The following ARHGAP40 variants were observed in gnomAD, a reference collection of about 807,000 sequenced individuals.
ARHGAP40 encodes rho GTPase-activating protein 40.
In ARHGAP40, 43 loss-of-function variants were observed where a neutral mutation model predicts 73.5. The observed-to-expected ratio is 0.58, with a 90% CI of 0.46 to 0.75. ARHGAP40 has a LOEUF of 0.75. ARHGAP40 is among the 30% of genes least tolerant of loss of function. ARHGAP40 has a pLI of 0.00. For synonymous variants in ARHGAP40, 300 were observed against 352.8 expected, an observed-to-expected ratio of 0.85 and a Z score of 1.68; for missense variants, 734 against 861.8, an observed-to-expected ratio of 0.85 and a Z score of 1.86.
rs145352806 is a variant in ARHGAP40 at position 38,646,653 on chromosome 20, A to G, written c.1711-304A>G. Among the ~76,000 whole-genome samples, 17 of 152,258 alleles carry G rather than the reference A, an allele frequency of 1.1e-4. No homozygotes were observed. The East Asian group carries it at 3.3e-3, about 29-fold the overall frequency. ...CTGCACCGTGCACGATGTGTGGGTG[A>G]TGGGTCTTTATACAAACCTACATGT... On this transcript the variant is annotated intron_variant, in intron 12 of 14. Coordinates refer to ENST00000373345, the Ensembl canonical transcript of ARHGAP40. The surrounding 1 kb of genome is among the most constrained non-coding windows in gnomAD (Gnocchi z 4.5).
At chr20:38,638,786 G>A (rs2088993963) in exon 8 of ARHGAP40, 1 of 1,305,434 alleles carries the variant, frequency 7.7e-7, no homozygotes, top group Non-Finnish European at 1.0e-6. Context: ...GAAAAGAGAG[G>A]ACTGGACATG....
intron 4 of ARHGAP40, 55 bp downstream of exon 4, chr20:38,629,057 C>A: frequency 8.1e-7 from 1 of 1,238,238 alleles, no homozygotes; most frequent in Non-Finnish European, 1.1e-6. Flanking sequence ...GCATAAAGGG[C>A]TGCTCTGTGA....
chr20:38,611,796 G>A (rs576753717), intron 1 of ARHGAP40, among the ~76,000 whole-genome samples: 5 of 151,908 alleles, frequency 3.3e-5, no homozygotes, highest in Admixed American at 6.6e-5. Flanking sequence ...GGATGATCTC[G>A]ATCTCCTGAC....
rs1279415267 is a variant in ARHGAP40 at position 38,646,479 on chromosome 20, G to C, written c.1710+292G>C. On this transcript the variant is annotated intron_variant, in intron 12 of 14. Transcript: ENST00000373345. The surrounding 1 kb of genome is among the most constrained non-coding windows in gnomAD (Gnocchi z 4.5). ...CCCTGGCCGAGGGTTGGGAAAATGG[G>C]AGTCGCTCTGCGGGGTGTGAGGTGA... Among the ~76,000 whole-genome samples the C allele has an allele frequency of 6.6e-6, 1 of 152,260 alleles. No homozygotes were observed. The highest frequency in any genetic ancestry group is 2.4e-5 in the African/African-American group (1 of 41,472).
chr20:38,604,369 G>A (rs1301299744), intron 1 of ARHGAP40, among the ~76,000 whole-genome samples: 1 of 150,732 alleles, frequency 6.6e-6, no homozygotes, highest in East Asian at 1.9e-4. Context: ...AACAACAAAA[G>A]CAACATTTTT....
At chr20:38,647,179 C>T in intron 13 of ARHGAP40, 53 bp downstream of exon 13, 1 of 1,258,022 alleles carries the variant, frequency 7.9e-7, no homozygotes, top group Non-Finnish European at 1.0e-6. Context: ...GAGGGCTCTG[C>T]ACCCCAGAGC....
rs1397019011 is a variant in ARHGAP40 at position 38,634,889 on chromosome 20, T to TC, written c.949+104_949+105insC. The TC allele has an allele frequency of 1.2e-5, 13 of 1,083,702 alleles. No individual in the cohort carries two copies. The Admixed American group carries it at 2.6e-4, about 21-fold the overall frequency. 67.1% of individuals were successfully genotyped at this position (1,083,702 alleles called of 1,614,324 possible). ...ATGCTCAGCTTTGTCTTTCTTTCTT[T>TC]TTTTTTTTTTTGAGACGGAGTCTCG... On this transcript the variant is annotated intron_variant, in intron 6 of 14. Coordinates refer to ENST00000373345, the Ensembl canonical transcript of ARHGAP40.
At position 38,646,308 on chromosome 20, in the gene ARHGAP40, G is replaced by A. The variant is rs919406562; in HGVS notation, c.1710+121G>A. The A allele has an allele frequency of 1.0e-5, 11 of 1,100,418 alleles. No homozygotes were observed. The highest frequency in any genetic ancestry group is 1.1e-5 in the Non-Finnish European group (10 of 873,270). 68.2% of individuals were successfully genotyped at this position (1,100,418 alleles called of 1,614,324 possible). On this transcript the variant is annotated intron_variant, in intron 12 of 14. Coordinates refer to ENST00000373345, the Ensembl canonical transcript of ARHGAP40. The surrounding 1 kb of genome is among the most constrained non-coding windows in gnomAD (Gnocchi z 4.5). ...GGGCTGCCAGCAACGGCCCAGTGAGGCCACCAGGGGGCGTTGCGGCGCCGT... is the reference window on the plus strand; with the variant it reads ...GGGCTGCCAGCAACGGCCCAGTGAGACCACCAGGGGGCGTTGCGGCGCCGT...
chr20:38,650,282 G>A, exon 15 of ARHGAP40: 2 of 464,738 alleles, frequency 4.3e-6, no homozygotes, highest in Admixed American at 4.8e-5. Flanking sequence ...CTTCCAGACT[G>A]GAGGAAAATT....
intron 1 of ARHGAP40, among the ~76,000 whole-genome samples, chr20:38,607,072 C>T (rs2088774491): frequency 6.6e-6 from 1 of 152,176 alleles, no homozygotes; most frequent in African/African-American, 2.4e-5. Context: ...GGGCTTAGTA[C>T]AGTGCCCACC....
At chr20:38,643,882 T>G in exon 11 of ARHGAP40, 4 of 1,304,742 alleles carry the variant, frequency 3.1e-6, no homozygotes, top group Non-Finnish European at 4.0e-6. Context: ...GTGCAGATAA[T>G]GGTGCACTAC....
In ARHGAP40 at chr20:38,613,191, G is replaced by A. The variant is rs187145185; in HGVS notation, c.138-10168G>A. Among the ~76,000 whole-genome samples, 478 of 152,260 alleles carry A rather than the reference G, an allele frequency of 3.1e-3. 2 individuals are homozygous for A. Among genetic ancestry groups the A allele is most frequent in the African/African-American group, 0.01 (436 of 41,530 alleles). On this transcript the variant is annotated intron_variant, in intron 1 of 14. Transcript: ENST00000373345. ...TGTGTGTGTTGGGGACGTGGTGGGG[G>A]GATGCAGTTTGCTATCTCAGATGGA...
chr20:38,626,976 G>T lies in ARHGAP40; in HGVS notation c.338-19G>T. The T allele has an allele frequency of 7.7e-7, 1 of 1,302,274 alleles. No homozygotes were observed. The highest frequency in any genetic ancestry group is 1.0e-6 in the Non-Finnish European group (1 of 987,976). The allele number at this position is 1,302,274 out of a possible 1,614,324, so 80.7% of individuals were successfully genotyped here. Reference sequence around the variant, plus strand: ...TGCAGAGCTGTGTGTGTTCATCTGGGTTCTACTTCTGTTGGCAGAAGGGGA... The same window carrying T: ...TGCAGAGCTGTGTGTGTTCATCTGGTTTCTACTTCTGTTGGCAGAAGGGGA... On this transcript the variant is annotated intron_variant, in intron 2 of 14. Transcript: ENST00000373345.
intron 1 of ARHGAP40, among the ~76,000 whole-genome samples, chr20:38,611,141 C>T (rs1436660302): frequency 6.6e-6 from 1 of 152,154 alleles, no homozygotes; most frequent in Non-Finnish European, 1.5e-5. Context: ...TCACCTGCCT[C>T]AGCCTCCCAA....
At chr20:38,611,946 A>G (rs1418407641) in intron 1 of ARHGAP40, among the ~76,000 whole-genome samples, 4 of 129,712 alleles carry the variant, frequency 3.1e-5, no homozygotes, top group South Asian at 2.5e-4. Flanking sequence ...CTGATTTCCA[A>G]CTCCTGGGCT....
intron 5 of ARHGAP40, among the ~76,000 whole-genome samples, chr20:38,632,425 C>A (rs1230463887): frequency 6.6e-6 from 1 of 151,916 alleles, no homozygotes; most frequent in Non-Finnish European, 1.5e-5. Context: ...CCATGCCTGG[C>A]TAATTTTTTG....
rs967012793 is a variant in ARHGAP40, at chr20:38,618,244, C to T, written c.138-5115C>T. On this transcript the variant is annotated intron_variant, in intron 1 of 14. Coordinates refer to ENST00000373345, the Ensembl canonical transcript of ARHGAP40. ...CCTCCTGAGTAGCTGGGATTCCAGG[C>T]GCCCGCCACCACGCCCATTAATTTT... is the stretch of plus-strand genomic sequence containing the variant. 6.6e-5 allele frequency among the ~76,000 whole-genome samples: 10 copies of T among 152,056 alleles called. No individual in the cohort carries two copies. The South Asian group carries it at 8.3e-4, about 13-fold the overall frequency.
exon 13 of ARHGAP40, chr20:38,647,058 C>T: frequency 1.5e-6 from 2 of 1,305,368 alleles, no homozygotes; most frequent in South Asian, 1.2e-5. Context: ...TGAGGCAGTT[C>T]ACAGAGCACC....
rs184767190 is a variant in ARHGAP40 at position 38,617,866 on chromosome 20, T to G, written c.138-5493T>G. On this transcript the variant is annotated intron_variant, in intron 1 of 14. Transcript: ENST00000373345. ...TGAGGACTTCCTATTCTAAGCACCT[T>G]AGGTGTATTAGCTTCCTAGTAACTG... Among the ~76,000 whole-genome samples the G allele has an allele frequency of 1.3e-3, 199 of 152,302 alleles. 1 individual carries two copies. The highest frequency in any genetic ancestry group is 4.4e-3 in the African/African-American group (183 of 41,570).
Sources: allele counts gnomAD v4.1 joint callset (sites outside exome capture counted in the v4.1 genomes callset), GRCh38; gene constraint gnomAD v4.1.1; non-coding constraint Gnocchi (gnomAD v3.1); transcripts MANE v1.5; gene names NCBI Gene and HGNC (gene_info 2026-07-23, HGNC 2026-07-21).